DEFB136: variants seen among roughly 807,000 people sequenced by gnomAD.
DEFB136 encodes defensin beta 136.
In DEFB136, 6 loss-of-function variants were observed where a neutral mutation model predicts 2.4. The ratio of observed to expected loss-of-function variants is 2.45; its 90% CI spans 1.34 to 4.84. The LOEUF (loss-of-function observed/expected upper bound fraction) is 4.84. Among genes scored for constraint, DEFB136 ranks in the 30% most tolerant of loss-of-function variants. DEFB136 has a pLI of 0.00. For missense variants in DEFB136, 126 were observed against 98.4 expected, an observed-to-expected ratio of 1.28 and a Z score of -1.19; for synonymous variants, 47 against 35.2, an observed-to-expected ratio of 1.33 and a Z score of -1.18.
rs758581100 is a variant in DEFB136 at position 11,974,086 on chromosome 8, C to T, written c.88G>A (p.Val30Ile). 1 of 1,589,796 alleles carries T rather than the reference C, an allele frequency of 6.3e-7. No individual in the cohort carries two copies. Among genetic ancestry groups the T allele is most frequent in the East Asian group, 2.3e-5 (1 of 43,850 alleles). ...GCTTTCTGGCTAGTGCAGGTGCGAA[C>T]TTTGACTCCATCATTCCCAAACATA... is the stretch of plus-strand genomic sequence containing the variant. ...KGMFGNDGVK[V>I]RTCTSQKAVC... is the part of the protein sequence containing the mutation. Residue 30 changes from valine to isoleucine, a missense_variant, in exon 2 of 2, where the codon GTT becomes ATT. By Grantham distance (29) the Val-to-Ile change is conservative. Coordinates refer to ENST00000382209, the MANE Select transcript of DEFB136 (RefSeq NM_001033018.2).
Position 11,974,556 on chromosome 8 carries a change from A to G in DEFB136, c.44T>C (p.Leu15Ser). 6.2e-7 allele frequency: 1 copy of G among 1,614,150 alleles called. No individual in the cohort carries two copies. The highest frequency in any genetic ancestry group is 8.5e-7 in the Non-Finnish European group (1 of 1,179,972). The change falls in exon 1 of 2, where the codon TTA becomes TCA. Residue 15 changes from leucine (L) to serine (S), a missense_variant. Coordinates refer to ENST00000382209, the MANE Select transcript of DEFB136 (RefSeq NM_001033018.2). The stretch of plus-strand genomic sequence containing the variant: ...GCCCACTGTCTTACCTGAAGGCAGT[A>G]AGATCACCAGGAAAAAGAGTAATGC... ...LSALLFFLVI[L>S]LPSGKGMFGN...
At position 11,974,051 on chromosome 8, in the gene DEFB136, G is replaced by A; in HGVS notation, c.123C>T (p.Phe41=). The A allele has an allele frequency of 6.2e-7, 1 of 1,610,484 alleles. No homozygotes were observed. Among genetic ancestry groups the A allele is most frequent in the Non-Finnish European group, 8.5e-7 (1 of 1,178,404 alleles). Residue 41 remains phenylalanine, a synonymous_variant, in exon 2 of 2, where the codon TTC becomes TTT. Coordinates refer to ENST00000382209, the MANE Select transcript of DEFB136 (RefSeq NM_001033018.2). ...RTCTSQKAVC[F]FGCPPGYRWI... ...ACCTGTATCCTGGCGGACACCCGAA[G>A]AAACATACGGCTTTCTGGCTAGTGC...
chr8:11,974,113 C>A lies in DEFB136; in HGVS notation c.61G>T (p.Gly21Cys). ...FLVILLPSGK[G>C]MFGNDGVKVR... ...TTGACTCCATCATTCCCAAACATAC[C>A]TTTTCCTGAAGCGGGGAGAGACCAC... Residue 21 changes from glycine to cysteine, a missense_variant, in exon 2 of 2, where the codon GGT becomes TGT. Physicochemically the swap from Gly to Cys is radical, Grantham distance 159. Transcript: ENST00000382209. 2.6e-6 allele frequency: 4 copies of A among 1,566,746 alleles called. No homozygotes were observed. The highest frequency in any genetic ancestry group is 2.4e-5 in the South Asian group (2 of 82,922).
chr8:11,974,245 T>A, intron 1 of DEFB136, 127 bp from the exon 2 acceptor site: 2 of 1,255,904 alleles, frequency 1.6e-6, no homozygotes, highest in Admixed American at 2.5e-5. Context: ...TTATCACAAC[T>A]CAGCAAGGCA....
At chr8:11,974,463 G>A (rs919455452) in intron 1 of DEFB136, 82 bp downstream of exon 1, 2 of 1,525,306 alleles carry the variant, frequency 1.3e-6, no homozygotes, top group Non-Finnish European at 1.8e-6. Context: ...CTGTTGCTGG[G>A]CTTATAGTTA....
At chr8:11,974,196 C>G (rs1471302510) in intron 1 of DEFB136, 78 bp from the exon 2 acceptor site, 1 of 1,458,756 alleles carries the variant, frequency 6.9e-7, no homozygotes, top group Non-Finnish European at 9.2e-7. Context: ...GCCATCACCT[C>G]CTGGTTGATG....
chr8:11,974,490 T>C lies in DEFB136; in HGVS notation c.55+55A>G, dbSNP rs367597379. ...TTATAGTTAGAGGGTTTTTTAAGCA[T>C]CTCAATCTTTGGGAACACCCACTTT... On this transcript the variant is annotated intron_variant, in intron 1 of 1. Transcript: ENST00000382209. 562 of 1,596,564 alleles carry C rather than the reference T, an allele frequency of 3.5e-4. 1 individual carries two copies. The African/African-American group carries it at 6.9e-3, about 20-fold the overall frequency.
In DEFB136 at chr8:11,974,083, G is replaced by T. The variant is rs267601740; in HGVS notation, c.91C>A (p.Arg31Ser). Residue 31 changes from arginine (R) to serine (S), a missense_variant, in exon 2 of 2, where the codon CGC becomes AGC. Coordinates refer to ENST00000382209, the MANE Select transcript of DEFB136 (RefSeq NM_001033018.2). ...GMFGNDGVKV[R>S]TCTSQKAVCF... ...ACGGCTTTCTGGCTAGTGCAGGTGC[G>T]AACTTTGACTCCATCATTCCCAAAC... The T allele has an allele frequency of 6.3e-7, 1 of 1,591,566 alleles. No homozygotes were observed. The highest frequency in any genetic ancestry group is 1.4e-5 in the African/African-American group (1 of 73,694).
Position 11,974,062 on chromosome 8 carries a change from C to A in DEFB136, c.112G>T (p.Ala38Ser), listed in dbSNP as rs761263322. The change falls in exon 2 of 2, where the codon GCC (alanine) becomes TCC (serine). Residue 38 changes from alanine to serine, a missense_variant. Coordinates refer to ENST00000382209, the MANE Select transcript of DEFB136 (RefSeq NM_001033018.2). ...GGCGGACACCCGAAGAAACATACGG[C>A]TTTCTGGCTAGTGCAGGTGCGAACT... ...VKVRTCTSQK[A>S]VCFFGCPPGY... is the part of the protein sequence containing the mutation. 1.2e-6 allele frequency: 2 copies of A among 1,608,482 alleles called. No individual in the cohort carries two copies. The highest frequency in any genetic ancestry group is 1.7e-6 in the Non-Finnish European group (2 of 1,177,518).
Position 11,974,579 on chromosome 8 carries a change from T to C in DEFB136, c.21A>G (p.Ala7=). Residue 7 remains alanine, a synonymous_variant, in exon 1 of 2, where the codon GCA becomes GCG. Coordinates refer to ENST00000382209, the MANE Select transcript of DEFB136 (RefSeq NM_001033018.2). MNLCLS[A]LLFFLVILLP... ...GTAAGATCACCAGGAAAAAGAGTAA[T>C]GCAGAAAGACAGAGGTTCATGGCCG... is the stretch of plus-strand genomic sequence containing the variant. 5 of 1,614,088 alleles carry C rather than the reference T, an allele frequency of 3.1e-6. No homozygotes were observed. The highest frequency in any genetic ancestry group is 3.4e-6 in the Non-Finnish European group (4 of 1,179,988).
At chr8:11,974,158 T>A in intron 1 of DEFB136, 40 bp from the exon 2 acceptor site, 1 of 1,510,290 alleles carries the variant, frequency 6.6e-7, no homozygotes, top group Non-Finnish European at 8.8e-7. Context: ...AAATCAATCT[T>A]AATGAGGCTG....
chr8:11,974,449 T>C (rs1053200511), intron 1 of DEFB136, 96 bp downstream of exon 1: 1 of 1,413,570 alleles, frequency 7.1e-7, no homozygotes, highest in Non-Finnish European at 9.9e-7. Context: ...TTGATATTGG[T>C]GTCCTGTTGC....
intron 1 of DEFB136, 32 bp from the exon 2 acceptor site, chr8:11,974,150 A>T: frequency 6.6e-7 from 1 of 1,517,580 alleles, no homozygotes; most frequent in Non-Finnish European, 8.8e-7. Context: ...GAAAAGAAAA[A>T]TCAATCTTAA....
chr8:11,974,152 C>T (rs35283519), intron 1 of DEFB136, 34 bp from the exon 2 acceptor site: 425,649 of 1,511,944 alleles, frequency 0.28, 65,977 homozygotes, highest in Non-Finnish European at 0.32. Flanking sequence ...AAAGAAAAAT[C>T]AATCTTAATG....
rs73538687 is a variant in DEFB136, at chr8:11,974,519, G to T, written c.55+26C>A. 8,270 of 1,613,164 alleles carry T rather than the reference G, an allele frequency of 5.1e-3. 338 individuals carry two copies. The African/African-American group carries it at 0.094, about 18-fold the overall frequency. On this transcript the variant is annotated intron_variant, in intron 1 of 1. Coordinates refer to ENST00000382209, the MANE Select transcript of DEFB136 (RefSeq NM_001033018.2). ...AATCTTTGGGAACACCCACTTTTAT[G>T]TTCAGACTCACGCCCACTGTCTTAC... is the stretch of plus-strand genomic sequence containing the variant.
At chr8:11,974,483 T>G in intron 1 of DEFB136, 62 bp downstream of exon 1, 1 of 1,584,386 alleles carries the variant, frequency 6.3e-7, no homozygotes, top group South Asian at 1.1e-5. Context: ...AGAGGGTTTT[T>G]TAAGCATCTC....
intron 1 of DEFB136, 73 bp from the exon 2 acceptor site, chr8:11,974,191 C>G (rs917526794): frequency 1.8e-5 from 27 of 1,480,074 alleles, no homozygotes; most frequent in Non-Finnish European, 2.3e-5. Context: ...GGCTTGCCAT[C>G]ACCTCCTGGT....
At chr8:11,974,508 C>T in intron 1 of DEFB136, 37 bp downstream of exon 1, 1 of 1,611,154 alleles carries the variant, frequency 6.2e-7, no homozygotes, top group East Asian at 2.2e-5. Context: ...TTTGGGAACA[C>T]CCACTTTTAT....
Position 11,973,996 on chromosome 8 carries a change from A to T in DEFB136, c.178T>A (p.Cys60Ser), listed in dbSNP as rs1436875079. The T allele has an allele frequency of 6.2e-7, 1 of 1,609,426 alleles. No homozygotes were observed. The change falls in exon 2 of 2, where the codon TGC (cysteine) becomes AGC (serine). Residue 60 changes from cysteine to serine, a missense_variant. Transcript: ENST00000382209. The stretch of plus-strand genomic sequence containing the variant: ...TGAAAACGTGTCATATTTTTACAGC[A>T]AGACAGAATATTGTGGCAGAACGCA... ...WIAFCHNILS[C>S]CKNMTRFQPP...
Sources: allele counts gnomAD v4.1 joint callset, GRCh38; gene constraint gnomAD v4.1.1; transcripts MANE v1.5; gene names NCBI Gene and HGNC (gene_info 2026-07-23, HGNC 2026-07-21).